Variants in ZNF510 observed in about 807,000 individuals in gnomAD.
ZNF510 encodes zinc finger protein 510.
A neutral mutation model predicts 18.1 loss-of-function variants in ZNF510; 15 were observed. The ratio of observed to expected loss-of-function variants is 0.83; its 90% CI spans 0.55 to 1.28. The LOEUF (loss-of-function observed/expected upper bound fraction) is 1.28. ZNF510 is among the 50% of genes most tolerant of loss of function. The pLI, the probability that ZNF510 is intolerant of heterozygous loss-of-function variation, is 0.00. For missense variants in ZNF510, 724 were observed against 791.8 expected (o/e 0.91, Z 1.03); for synonymous variants, 261 against 266.4 (o/e 0.98, Z 0.20).
At chr9:96,764,771 C>T (rs10125048) in intron 3 of ZNF510, among the ~76,000 whole-genome samples, 9,020 of 152,066 alleles carry the variant, frequency 0.059, 883 homozygotes, top group African/African-American at 0.2. Context: ...GTTGATATGA[C>T]TGCATTACTA....
intron 3 of ZNF510, among the ~76,000 whole-genome samples, chr9:96,768,501 C>A (rs889027843): frequency 6.6e-6 from 1 of 152,102 alleles, no homozygotes; most frequent in Non-Finnish European, 1.5e-5. Context: ...TAAATGAATT[C>A]ATCAAAATTG....
Position 96,759,833 on chromosome 9 carries a change from T to C in ZNF510, c.997A>G (p.Ile333Val). ...VEEYNKLNMG[I>V]KHYELNPSGN... ...CTTGGATTTAATTCATAATGTTTTA[T>C]ACCCATATTAAGTTTATTATATTCC... Residue 333 changes from isoleucine (I) to valine (V), a missense_variant, in exon 6 of 6, where the codon ATA becomes GTA. Coordinates refer to ENST00000223428, the MANE Select transcript of ZNF510 (RefSeq NM_014930.3). 6.2e-7 allele frequency: 1 copy of C among 1,613,784 alleles called. No homozygotes were observed. The highest frequency in any genetic ancestry group is 8.5e-7 in the Non-Finnish European group (1 of 1,179,944).
intron 3 of ZNF510, among the ~76,000 whole-genome samples, chr9:96,768,690 A>G (rs140012992): frequency 0.01 from 1,567 of 152,282 alleles, 12 homozygotes; most frequent in Admixed American, 0.015. Context: ...AAGAAATCAG[A>G]GGACCCAAAT....
chr9:96,763,454 AGAAATACCTTCTATATG>A, intron 4 of ZNF510, 35 bp downstream of exon 4: 1 of 1,548,264 alleles, frequency 6.5e-7, no homozygotes, highest in Non-Finnish European at 8.7e-7. Flanking sequence ...CACTTAAAAA[AGAAATACCTTCTATATG>A]GAGTTACAAG....
intron 3 of ZNF510, among the ~76,000 whole-genome samples, chr9:96,767,956 A>G (rs1849509200): frequency 6.6e-6 from 1 of 152,230 alleles, no homozygotes; most frequent in Non-Finnish European, 1.5e-5. Context: ...ATATGTGTGC[A>G]GAAGTTTTCA....
chr9:96,770,428 A>T (rs1484304367), intron 3 of ZNF510, among the ~76,000 whole-genome samples: 2 of 101,378 alleles, frequency 2.0e-5, no homozygotes, highest in African/African-American at 1.0e-4. Flanking sequence ...TGTGTCTACT[A>T]AAAAAAAAAA....
At position 96,759,647 on chromosome 9, in the gene ZNF510, G is replaced by A. The variant is rs146724922; in HGVS notation, c.1183C>T (p.Arg395Ter). 4.2e-5 allele frequency: 67 copies of A among 1,613,392 alleles called. No individual in the cohort carries two copies. In the African/African-American group the frequency reaches 4.3e-4, roughly 10 times the overall value. The change falls in exon 6 of 6, where the codon CGA (arginine) becomes TGA (stop). Residue 395 changes from arginine to a stop codon, truncating the protein, a stop_gained. Transcript: ENST00000223428. LOFTEE classifies it low-confidence loss of function (END_TRUNC). ...GGTTTCATCATTGAGTGACTTCTTCGGCGAACTCTGTGAACCGACGTCTGG... is the reference window on the plus strand; with the variant it reads ...GGTTTCATCATTGAGTGACTTCTTCAGCGAACTCTGTGAACCGACGTCTGG... ...SYQTSVHRVR[R>*]RSHSMMKPYK...
In ZNF510 at chr9:96,761,373, G is replaced by A. The variant is rs534620926; in HGVS notation, c.353-896C>T. Among the ~76,000 whole-genome samples, 17 of 152,216 alleles carry A rather than the reference G, an allele frequency of 1.1e-4. No homozygotes were observed. In the South Asian group the frequency reaches 1.9e-3, roughly 17 times the overall value. On this transcript the variant is annotated intron_variant, in intron 5 of 5. Coordinates refer to ENST00000223428, the MANE Select transcript of ZNF510 (RefSeq NM_014930.3). ...CATTCTAAATGCCTATCCTTGACAGGTCATATTGCAAATATCATCTGCCAC... is the reference window on the plus strand; with the variant it reads ...CATTCTAAATGCCTATCCTTGACAGATCATATTGCAAATATCATCTGCCAC...
chr9:96,761,931 TGTCA>T (rs1032637179), intron 5 of ZNF510, among the ~76,000 whole-genome samples: 4 of 152,174 alleles, frequency 2.6e-5, no homozygotes, highest in Non-Finnish European at 5.9e-5. Flanking sequence ...CATATCTTTT[TGTCA>T]GTCATACAGT....
chr9:96,760,611 AATAT>A (rs577504852), intron 5 of ZNF510, 134 bp from the exon 6 acceptor site: 3 of 771,526 alleles, frequency 3.9e-6, no homozygotes, highest in Non-Finnish European at 5.7e-6. Context: ...TGTGTGTGTA[AATAT>A]ATATATCTCA....
At chr9:96,763,693 C>A in intron 3 of ZNF510, 61 bp from the exon 4 acceptor site, 4 of 1,451,624 alleles carry the variant, frequency 2.8e-6, no homozygotes, top group South Asian at 3.0e-5. Flanking sequence ...TAGAAAATAG[C>A]CATGAAAACA....
At position 96,756,861 on chromosome 9, in the gene ZNF510, G is replaced by A. The variant is rs1296399653; in HGVS notation, c.*1917C>T. On this transcript the variant is annotated 3_prime_UTR_variant, in exon 6 of 6. Coordinates refer to ENST00000223428, the MANE Select transcript of ZNF510 (RefSeq NM_014930.3). ...GAAGCCCAAAATGATCAGAGCTGTT[G>A]GACCTCAGAGGTATCTTTACATACA... is the stretch of plus-strand genomic sequence containing the variant. 6.6e-6 allele frequency: 1 copy of A among 152,126 alleles called. No homozygotes were observed. The allele number at this position is 152,126 out of a possible 1,614,324, so 9.4% of individuals were successfully genotyped here. A position where few individuals can be genotyped will look rare whatever the true frequency, so the allele number is the denominator to read the frequency against.
At chr9:96,768,228 A>AAAACTAACTCTATGTAGATC (rs1849516105) in intron 3 of ZNF510, among the ~76,000 whole-genome samples, 1 of 152,232 alleles carries the variant, frequency 6.6e-6, no homozygotes, top group African/African-American at 2.4e-5. Context: ...AACACAATAA[A>AAAACTAACTCTATGTAGATC]AAGCATTTCT....
rs375618004 is a variant in ZNF510, at chr9:96,766,396, A to C, written c.130-2764T>G. 4.6e-5 allele frequency among the ~76,000 whole-genome samples: 7 copies of C among 150,596 alleles called. No individual in the cohort carries two copies. In the East Asian group the frequency reaches 5.8e-4, roughly 12 times the overall value. On this transcript the variant is annotated intron_variant, in intron 3 of 5. Coordinates refer to ENST00000223428, the MANE Select transcript of ZNF510 (RefSeq NM_014930.3). ...CCACTACCAATTTTTTTTTTTTGTA[A>C]ATAAAGTTTTCTTGGAACACAGCCA...
chr9:96,761,085 T>C (rs747965818), intron 5 of ZNF510, among the ~76,000 whole-genome samples: 2 of 152,206 alleles, frequency 1.3e-5, no homozygotes, highest in African/African-American at 4.8e-5. Flanking sequence ...CTAACCTGTC[T>C]TATGGTTGTG....
intron 5 of ZNF510, chr9:96,762,810 CCTAT>C (rs1849383910): frequency 4.9e-6 from 1 of 202,268 alleles, no homozygotes; most frequent in African/African-American, 2.4e-5. Context: ...ATCTGGGTTG[CCTAT>C]CTTTTCCCAC....
intron 3 of ZNF510, among the ~76,000 whole-genome samples, chr9:96,773,589 T>C (rs1849627744): frequency 2.0e-5 from 3 of 151,944 alleles, no homozygotes; most frequent in South Asian, 2.1e-4. Flanking sequence ...TGTTTTTTTT[T>C]TTTTGAGATG....
chr9:96,773,224 A>G (rs957922824), intron 3 of ZNF510, among the ~76,000 whole-genome samples: 1 of 152,218 alleles, frequency 6.6e-6, no homozygotes, highest in Non-Finnish European at 1.5e-5. Flanking sequence ...ACTAAATTAC[A>G]TGAATTTACA....
intron 2 of ZNF510, among the ~76,000 whole-genome samples, chr9:96,775,657 CA>C (rs1849681342): frequency 6.6e-6 from 1 of 152,150 alleles, no homozygotes; most frequent in African/African-American, 2.4e-5. Flanking sequence ...TGACCATGGA[CA>C]AACTGTTCAT....
Sources: allele counts gnomAD v4.1 joint callset (sites outside exome capture counted in the v4.1 genomes callset), GRCh38; gene constraint gnomAD v4.1.1; transcripts MANE v1.5; gene names NCBI Gene and HGNC (gene_info 2026-07-23, HGNC 2026-07-21).